Variants in PABPC4L observed in about 807,000 individuals in gnomAD.
PABPC4L encodes the protein poly(A) binding protein cytoplasmic 4 like, also known as polyadenylate-binding protein 4-like.
For synonymous variants in PABPC4L, 169 were observed against 164.1 expected (o/e 1.03, Z -0.23); for missense variants, 452 against 451.4 (o/e 1.00, Z -0.01).
intron 1 of PABPC4L, among the ~76,000 whole-genome samples, chr4:134,201,462 G>A (rs79590028): frequency 6.6e-6 from 1 of 151,946 alleles, no homozygotes; most frequent in Non-Finnish European, 1.5e-5. Context: ...GGCCCCAGCC[G>A]TGGAGTATGG....
intron 1 of PABPC4L, 50 bp from the exon 2 acceptor site, chr4:134,201,295 A>T (rs750046731): frequency 4.7e-5 from 65 of 1,397,686 alleles, no homozygotes; most frequent in Non-Finnish European, 5.7e-5. Flanking sequence ...CCTTCCCCTC[A>T]GATTTGTGAG....
At chr4:134,002,253 T>C in the PABPC4L span, among the ~76,000 whole-genome samples, 1 of 151,894 alleles carries the variant, frequency 6.6e-6, no homozygotes, top group East Asian at 1.9e-4. Context: ...TAGGGGAAAT[T>C]TGAAGATATT....
At chr4:134,057,537 T>C in the PABPC4L span, among the ~76,000 whole-genome samples, 3 of 152,042 alleles carry the variant, frequency 2.0e-5, no homozygotes, top group Non-Finnish European at 4.4e-5. Flanking sequence ...ATGATCTCCA[T>C]TGGCACAACA....
chr4:134,044,022 G>GC, the PABPC4L span, among the ~76,000 whole-genome samples: 5 of 151,734 alleles, frequency 3.3e-5, no homozygotes, highest in African/African-American at 1.2e-4. Flanking sequence ...TGTCACCTAG[G>GC]CTGGAGTGCA....
the PABPC4L span, among the ~76,000 whole-genome samples, chr4:133,957,015 C>A: frequency 3.3e-5 from 5 of 152,232 alleles, no homozygotes; most frequent in South Asian, 4.1e-4. Flanking sequence ...CAAACCATAT[C>A]ATTCCACCCC....
At chr4:134,030,291 G>A in the PABPC4L span, among the ~76,000 whole-genome samples, 2 of 152,102 alleles carry the variant, frequency 1.3e-5, no homozygotes, top group African/African-American at 4.8e-5. Flanking sequence ...AGAAAAATGT[G>A]GGAAAGTTTG....
At chr4:134,086,033 G>C in the PABPC4L span, among the ~76,000 whole-genome samples, 2 of 152,062 alleles carry the variant, frequency 1.3e-5, no homozygotes, top group Non-Finnish European at 2.9e-5. Context: ...TCTAACAATA[G>C]TGATTTTCCT....
At chr4:133,997,486 C>A in the PABPC4L span, among the ~76,000 whole-genome samples, 1 of 141,878 alleles carries the variant, frequency 7.0e-6, no homozygotes. Flanking sequence ...TTCTGACTTT[C>A]ATGTCTTATT....
the PABPC4L span, among the ~76,000 whole-genome samples, chr4:134,057,452 C>G: frequency 6.6e-6 from 1 of 152,066 alleles, no homozygotes. Context: ...ATCTAGCACT[C>G]TGACATCATC....
the PABPC4L span, among the ~76,000 whole-genome samples, chr4:134,131,025 A>C: frequency 6.8e-3 from 1,034 of 152,242 alleles, 13 homozygotes; most frequent in Non-Finnish European, 8.9e-3. Context: ...CAAAATCAAC[A>C]TAGAAGGGAC....
At position 134,199,670 on chromosome 4, in the gene PABPC4L, A is replaced by G; in HGVS notation, c.*237T>C. The stretch of plus-strand genomic sequence containing the variant: ...TTATTGCTATGAACATATCAAAATA[A>G]GAAAAATGTGCAATATTAAAATTAG... On this transcript the variant is annotated 3_prime_UTR_variant, in exon 2 of 2. Coordinates refer to ENST00000421491, the MANE Select transcript of PABPC4L (RefSeq NM_001114734.2). 1 of 492,832 alleles carries G rather than the reference A, an allele frequency of 2.0e-6. No homozygotes were observed. Among genetic ancestry groups the G allele is most frequent in the South Asian group, 2.9e-5 (1 of 35,058 alleles). The allele number at this position is 492,832 out of a possible 1,614,324, so 30.5% of individuals were successfully genotyped here.
chr4:134,077,357 T>G, the PABPC4L span, among the ~76,000 whole-genome samples: 4 of 152,122 alleles, frequency 2.6e-5, no homozygotes, highest in African/African-American at 9.7e-5. Context: ...GATTGTTTTA[T>G]GAAAGCCTAA....
the PABPC4L span, among the ~76,000 whole-genome samples, chr4:134,010,937 A>G: frequency 2.6e-5 from 4 of 152,164 alleles, no homozygotes; most frequent in Non-Finnish European, 5.9e-5. Context: ...CATAACACAT[A>G]TAGCAAGTTT....
the PABPC4L span, among the ~76,000 whole-genome samples, chr4:134,065,848 A>G: frequency 1.3e-5 from 2 of 152,088 alleles, no homozygotes; most frequent in African/African-American, 4.8e-5. Flanking sequence ...CAAGCCAGTT[A>G]TCCCAGCACC....
chr4:134,017,178 A>T, the PABPC4L span, among the ~76,000 whole-genome samples: 2 of 152,180 alleles, frequency 1.3e-5, no homozygotes, highest in African/African-American at 4.8e-5. Flanking sequence ...GTCTTCAGGA[A>T]AGATAGAACA....
the PABPC4L span, among the ~76,000 whole-genome samples, chr4:134,156,187 T>C: frequency 6.6e-6 from 1 of 151,944 alleles, no homozygotes; most frequent in African/African-American, 2.4e-5. Flanking sequence ...AATTATTTAG[T>C]TTTAAGGTCC....
At chr4:134,028,374 A>G in the PABPC4L span, among the ~76,000 whole-genome samples, 2 of 151,374 alleles carry the variant, frequency 1.3e-5, no homozygotes, top group Non-Finnish European at 2.9e-5. Flanking sequence ...AAGCCTCCTC[A>G]GCTCTTCATT....
At chr4:134,133,455 A>G in the PABPC4L span, among the ~76,000 whole-genome samples, 1,007 of 146,430 alleles carry the variant, frequency 6.9e-3, 12 homozygotes, top group African/African-American at 0.024. Flanking sequence ...AATATATAAT[A>G]AGATATCATA....
chr4:134,025,460 G>A, the PABPC4L span, among the ~76,000 whole-genome samples: 595 of 152,148 alleles, frequency 3.9e-3, 4 homozygotes, highest in African/African-American at 0.014. Flanking sequence ...CATTGCTAGA[G>A]CACCAGCTCT....
Sources: gnomAD v4.1 joint callset for allele counts (sites outside exome capture counted in the v4.1 genomes callset) on GRCh38, gnomAD v4.1.1 for gene constraint, MANE v1.5 for transcripts, NCBI Gene and HGNC (gene_info 2026-07-23, HGNC 2026-07-21) for gene names.